Variants in SEC63 observed in about 807,000 individuals in gnomAD.
The protein encoded by SEC63 is SEC63 protein translocation regulator.
In SEC63, 56 loss-of-function variants were observed where a neutral mutation model predicts 116.2. The ratio of observed to expected loss-of-function variants is 0.48; its 90% CI spans 0.39 to 0.60. The LOEUF is 0.60. SEC63 is among the 20% of genes least tolerant of loss of function. The pLI, the probability that SEC63 is intolerant of heterozygous loss-of-function variation, is 0.00. For synonymous variants in SEC63, 273 were observed against 294.6 expected (o/e 0.93, Z 0.75); for missense variants, 668 against 900.0 (o/e 0.74, Z 3.30).
At chr6:107,876,177 C>A (rs1786261656) in intron 19 of SEC63, among the ~76,000 whole-genome samples, 1 of 152,118 alleles carries the variant, frequency 6.6e-6, no homozygotes, top group African/African-American at 2.4e-5. Flanking sequence ...TCAAAAATTC[C>A]ACTCAAGAAA....
At position 107,924,899 on chromosome 6, in the gene SEC63, G is replaced by C. The variant is rs368868418; in HGVS notation, c.258C>G (p.Phe86Leu). Residue 86 changes from phenylalanine (F) to leucine (L), a missense_variant, in exon 3 of 21, where the codon TTC becomes TTG. Physicochemically the swap from Phe to Leu is conservative, Grantham distance 22. Coordinates refer to ENST00000369002, the MANE Select transcript of SEC63 (RefSeq NM_007214.5). ...KIVLLAGWALFLFLAYKVSKT... is the reference protein window; with the variant it reads ...KIVLLAGWALLLFLAYKVSKT... ...TGGAAACTTTATATGCAAGGAATAA[G>C]AACAATGCCCATCCTGCAAGCAGAA... 1 of 1,600,946 alleles carries C rather than the reference G, an allele frequency of 6.2e-7. No individual in the cohort carries two copies. The highest frequency in any genetic ancestry group is 1.3e-5 in the African/African-American group (1 of 74,588).
Position 107,935,058 on chromosome 6 carries a change from G to A in SEC63, c.125-5544C>T, listed in dbSNP as rs866995000. On this transcript the variant is annotated intron_variant, in intron 1 of 20. Coordinates refer to ENST00000369002, the MANE Select transcript of SEC63 (RefSeq NM_007214.5). ...AGGTGAGGGGCGCCTCTGCCCAGCC[G>A]CCCCTACTGGGAAGTGAGGAGCCCC... Among the ~76,000 whole-genome samples, 714 of 133,948 alleles carry A rather than the reference G, an allele frequency of 5.3e-3. 7 individuals carry two copies. Among genetic ancestry groups the A allele is most frequent in the African/African-American group, 0.017 (616 of 35,286 alleles). 87.9% of individuals were successfully genotyped at this position (133,948 alleles called of 152,430 possible).
Position 107,957,977 on chromosome 6 carries a change from A to G in SEC63, c.33T>C (p.Ser11=), listed in dbSNP as rs1193479445. Residue 11 remains serine (S), a synonymous_variant, in exon 1 of 21, where the codon AGT becomes AGC. Transcript: ENST00000369002. ...TGAGGAAGTAGAAGAAGGTGTTCCC[A>G]CTGTCATCGTACTGGAACTGCTGCC... MAGQQFQYDD[S]GNTFFYFLTS... 1.4e-5 allele frequency: 23 copies of G among 1,613,368 alleles called. No homozygotes were observed. The highest frequency in any genetic ancestry group is 1.6e-5 in the Non-Finnish European group (19 of 1,179,566).
intron 16 of SEC63, among the ~76,000 whole-genome samples, chr6:107,884,466 TAATA>T (rs1786484089): frequency 6.6e-6 from 1 of 152,006 alleles, no homozygotes; most frequent in Admixed American, 6.6e-5. Flanking sequence ...CCAACAAATT[TAATA>T]ATTAAGAGGA....
chr6:107,917,053 T>C (rs1787421605), intron 4 of SEC63, among the ~76,000 whole-genome samples: 1 of 152,098 alleles, frequency 6.6e-6, no homozygotes, highest in South Asian at 2.1e-4. Context: ...AGGTTGTGGG[T>C]TTACCGGAAT....
At chr6:107,892,866 CGTAG>C (rs1421674367) in intron 16 of SEC63, among the ~76,000 whole-genome samples, 2 of 152,054 alleles carry the variant, frequency 1.3e-5, no homozygotes, top group African/African-American at 4.8e-5. Flanking sequence ...GACTCTCACA[CGTAG>C]GTAAGAGCAT....
chr6:107,877,025 C>G (rs901372306), intron 18 of SEC63: 3 of 225,830 alleles, frequency 1.3e-5, no homozygotes, highest in African/African-American at 6.9e-5. Flanking sequence ...TAGTAATAAG[C>G]AAAAGCCACA....
chr6:107,892,913 T>C (rs1786717267), intron 16 of SEC63, among the ~76,000 whole-genome samples: 1 of 152,164 alleles, frequency 6.6e-6, no homozygotes, highest in African/African-American at 2.4e-5. Flanking sequence ...CAGGCTCTTT[T>C]AACGAGTTAA....
intron 12 of SEC63, among the ~76,000 whole-genome samples, chr6:107,902,335 TCTC>T (rs1043549407): frequency 1.3e-5 from 2 of 152,124 alleles, no homozygotes; most frequent in Non-Finnish European, 2.9e-5. Context: ...ATGTTTAAAA[TCTC>T]CTACTAGAAT....
chr6:107,890,587 A>T (rs954360944), intron 16 of SEC63, among the ~76,000 whole-genome samples: 20 of 152,170 alleles, frequency 1.3e-4, no homozygotes, highest in African/African-American at 4.8e-4. Context: ...TAATACTGTT[A>T]TGTGTGAATT....
intron 8 of SEC63, among the ~76,000 whole-genome samples, chr6:107,907,630 GAAGTT>G (rs1787175175): frequency 6.6e-6 from 1 of 152,132 alleles, no homozygotes; most frequent in Non-Finnish European, 1.5e-5. Context: ...GGATAGTATA[GAAGTT>G]AAGTGCACAG....
At chr6:107,889,204 T>C in intron 16 of SEC63, among the ~76,000 whole-genome samples, 1 of 152,176 alleles carries the variant, frequency 6.6e-6, no homozygotes, top group East Asian at 1.9e-4. Context: ...AATTTGGCCG[T>C]GAAACCATCT....
At chr6:107,912,653 A>C in intron 6 of SEC63, 63 bp downstream of exon 6, 1 of 928,056 alleles carries the variant, frequency 1.1e-6, no homozygotes, top group Non-Finnish European at 1.8e-6. Flanking sequence ...TTACCAAGAC[A>C]GATTGTACAT....
At chr6:107,926,418 A>G (rs1787678681) in intron 2 of SEC63, among the ~76,000 whole-genome samples, 1 of 152,120 alleles carries the variant, frequency 6.6e-6, no homozygotes. Flanking sequence ...CAAAATTGGA[A>G]TGATTTGTTT....
chr6:107,893,432 G>C (rs1280501257), intron 16 of SEC63, 50 bp downstream of exon 16: 4 of 1,549,782 alleles, frequency 2.6e-6, no homozygotes, highest in Middle Eastern at 2.3e-4. Flanking sequence ...GAACATTTTA[G>C]TTTGTATATT....
At chr6:107,927,434 A>G (rs991610489) in intron 2 of SEC63, among the ~76,000 whole-genome samples, 1 of 152,220 alleles carries the variant, frequency 6.6e-6, no homozygotes, top group Non-Finnish European at 1.5e-5. Context: ...GTCAGAAAAG[A>G]AGCATTACCC....
chr6:107,946,560 T>C (rs1770484577), intron 1 of SEC63, among the ~76,000 whole-genome samples: 1 of 152,252 alleles, frequency 6.6e-6, no homozygotes, highest in East Asian at 1.9e-4. Context: ...AACCTTCATG[T>C]TGTCCTGTAA....
chr6:107,893,920 AT>A (rs774164268), intron 14 of SEC63, 23 bp from the exon 15 acceptor site: 6 of 1,612,186 alleles, frequency 3.7e-6, no homozygotes, highest in Non-Finnish European at 4.2e-6. Context: ...AAGAAGAGAA[AT>A]ACAAAATCTG....
At chr6:107,926,385 G>T (rs1787677781) in intron 2 of SEC63, among the ~76,000 whole-genome samples, 1 of 152,086 alleles carries the variant, frequency 6.6e-6, no homozygotes, top group Admixed American at 6.6e-5. Flanking sequence ...GACATCAAAT[G>T]AATCTTAAGA....
Sources: gnomAD v4.1 joint callset for allele counts (sites outside exome capture counted in the v4.1 genomes callset) on GRCh38, gnomAD v4.1.1 for gene constraint, MANE v1.5 for transcripts, NCBI Gene and HGNC (gene_info 2026-07-23, HGNC 2026-07-21) for gene names.